CA10: variants seen among roughly 807,000 people sequenced by gnomAD.
The protein encoded by CA10 is carbonic anhydrase 10 (inactive), also known as carbonic anhydrase-related protein 10.
CA10 carries 14 observed loss-of-function variants against 44.2 expected under a neutral mutation model. That is an observed-to-expected ratio of 0.32 (90% CI 0.21 to 0.50). The LOEUF is 0.50. CA10 is among the 20% of genes least tolerant of loss of function. The pLI, the probability that CA10 is intolerant of heterozygous loss-of-function variation, is 0.99. For missense variants in CA10, 350 were observed against 409.7 expected, an observed-to-expected ratio of 0.85 and a Z score of 1.26; for synonymous variants, 159 against 141.6, an observed-to-expected ratio of 1.12 and a Z score of -0.87.
chr17:52,125,891 G>A (rs183692214), intron 1 of CA10, among the ~76,000 whole-genome samples: 1 of 152,122 alleles, frequency 6.6e-6, no homozygotes, highest in African/African-American at 2.4e-5. Context: ...GTGGTGGAAA[G>A]AATGCTGGAT....
chr17:51,679,777 T>C (rs900010718), intron 4 of CA10, among the ~76,000 whole-genome samples: 1 of 152,070 alleles, frequency 6.6e-6, no homozygotes, highest in African/African-American at 2.4e-5. Context: ...AAAAAGGAGA[T>C]GCCGTACAGC....
At chr17:52,051,067 G>A (rs1987054577) in intron 2 of CA10, among the ~76,000 whole-genome samples, 1 of 150,532 alleles carries the variant, frequency 6.6e-6, no homozygotes, top group Non-Finnish European at 1.5e-5. Context: ...GGGGAAAAAT[G>A]AAGAATGGAG....
At chr17:51,912,877 A>G (rs1981845727) in intron 3 of CA10, among the ~76,000 whole-genome samples, 1 of 152,170 alleles carries the variant, frequency 6.6e-6, no homozygotes, top group Admixed American at 6.5e-5. Flanking sequence ...TCTAAAACTC[A>G]AAGTACATTC....
chr17:51,682,278 G>C (rs1447839658), intron 4 of CA10, among the ~76,000 whole-genome samples: 1 of 152,174 alleles, frequency 6.6e-6, no homozygotes, highest in Non-Finnish European at 1.5e-5. Context: ...GGGAGGCCAG[G>C]TGGATTTATG....
At chr17:51,906,137 A>G (rs1239521749) in intron 3 of CA10, among the ~76,000 whole-genome samples, 2 of 152,196 alleles carry the variant, frequency 1.3e-5, no homozygotes, top group East Asian at 3.9e-4. Context: ...ATTAAAATAT[A>G]TCCTTATTTT....
chr17:51,869,305 G>A (rs1979701490), intron 3 of CA10, among the ~76,000 whole-genome samples: 1 of 152,130 alleles, frequency 6.6e-6, no homozygotes, highest in Non-Finnish European at 1.5e-5. Context: ...CCAATGTCAT[G>A]GAAAGAGTAG....
At chr17:52,030,097 T>C (rs956345229) in intron 2 of CA10, among the ~76,000 whole-genome samples, 2 of 152,206 alleles carry the variant, frequency 1.3e-5, no homozygotes, top group Admixed American at 1.3e-4. Flanking sequence ...AGGCGTGTAG[T>C]AGCAAAGGCT....
intron 2 of CA10, among the ~76,000 whole-genome samples, chr17:52,052,359 C>T (rs1987102563): frequency 6.7e-6 from 1 of 150,116 alleles, no homozygotes; most frequent in South Asian, 2.1e-4. Flanking sequence ...TTGACTTTTG[C>T]CTCTCAGACC....
At chr17:52,105,163 G>C (rs1013325396) in intron 1 of CA10, among the ~76,000 whole-genome samples, 4 of 113,304 alleles carry the variant, frequency 3.5e-5, no homozygotes, top group African/African-American at 1.2e-4. Flanking sequence ...GCTCCCAGAT[G>C]ATTCCTACAT....
chr17:51,902,094 C>A (rs1981342366), intron 3 of CA10, among the ~76,000 whole-genome samples: 1 of 151,946 alleles, frequency 6.6e-6, no homozygotes, highest in South Asian at 2.1e-4. Flanking sequence ...GCCCTTGTTA[C>A]AAGGGGAAAA....
At chr17:51,777,938 T>A (rs115514487) in intron 3 of CA10, among the ~76,000 whole-genome samples, 2 of 152,168 alleles carry the variant, frequency 1.3e-5, no homozygotes, top group Admixed American at 1.3e-4. Flanking sequence ...TCTCTCACTG[T>A]CCATAAATAT....
chr17:51,633,417 C>A (rs1912676740), intron 8 of CA10, 59 bp downstream of exon 8: 1 of 1,514,046 alleles, frequency 6.6e-7, no homozygotes, highest in Non-Finnish European at 9.0e-7. Context: ...AAGAACAGGT[C>A]TAAGCAGAAA....
At position 51,816,922 on chromosome 17, in the gene CA10, C is replaced by G. The variant is rs538699048; in HGVS notation, c.280-69104G>C. On this transcript the variant is annotated intron_variant, in intron 3 of 8. Transcript: ENST00000451037. ...ACTGCATGGAGCAGAGTCCTCCCTTCCACCAAAGTCCTGTCATCCCACATT... is the reference window on the plus strand; with the variant it reads ...ACTGCATGGAGCAGAGTCCTCCCTTGCACCAAAGTCCTGTCATCCCACATT... Among the ~76,000 whole-genome samples, 78 of 152,260 alleles carry G rather than the reference C, an allele frequency of 5.1e-4. No homozygotes were observed. In the South Asian group the frequency reaches 0.016, roughly 31 times the overall value.
chr17:51,839,712 C>T (rs545844307), intron 3 of CA10, among the ~76,000 whole-genome samples: 2 of 151,962 alleles, frequency 1.3e-5, no homozygotes, highest in East Asian at 1.9e-4. Flanking sequence ...GGCCTATAAT[C>T]GACTAACTAA....
chr17:52,075,158 T>C (rs1337349846), intron 1 of CA10, among the ~76,000 whole-genome samples: 1 of 152,134 alleles, frequency 6.6e-6, no homozygotes, highest in African/African-American at 2.4e-5. Flanking sequence ...ATAATCAATA[T>C]AGTGCTTTAA....
chr17:51,849,900 G>A (rs775865616), intron 3 of CA10, among the ~76,000 whole-genome samples: 5 of 152,186 alleles, frequency 3.3e-5, no homozygotes, highest in Non-Finnish European at 7.3e-5. Flanking sequence ...AATATGGGAT[G>A]TGAATAATTC....
At chr17:51,805,665 G>A (rs745660170) in intron 3 of CA10, among the ~76,000 whole-genome samples, 4 of 152,164 alleles carry the variant, frequency 2.6e-5, no homozygotes, top group African/African-American at 7.2e-5. Flanking sequence ...TGTACAATTC[G>A]ACAGTTTTTA....
At chr17:52,011,808 T>C (rs1393422181) in intron 2 of CA10, among the ~76,000 whole-genome samples, 1 of 151,946 alleles carries the variant, frequency 6.6e-6, no homozygotes, top group Non-Finnish European at 1.5e-5. Context: ...GGACCAGAAA[T>C]ACATGCTAAT....
intron 1 of CA10, among the ~76,000 whole-genome samples, chr17:52,109,396 G>A (rs1230344553): frequency 6.6e-6 from 1 of 152,190 alleles, no homozygotes; most frequent in East Asian, 1.9e-4. Context: ...AAGCAATAGA[G>A]TAGAGAGAAG....
Sources: gnomAD v4.1 joint callset for allele counts (sites outside exome capture counted in the v4.1 genomes callset) on GRCh38, gnomAD v4.1.1 for gene constraint, MANE v1.5 for transcripts, NCBI Gene and HGNC (gene_info 2026-07-23, HGNC 2026-07-21) for gene names.